The following SNX1 variants were observed in gnomAD, a reference collection of about 807,000 sequenced individuals.
The protein encoded by SNX1 is sorting nexin-1.
In SNX1, 36 loss-of-function variants were observed where a neutral mutation model predicts 71.8. The ratio of observed to expected loss-of-function variants is 0.50; its 90% CI spans 0.38 to 0.66. The LOEUF (loss-of-function observed/expected upper bound fraction) is 0.66, where lower values mean the gene tolerates loss of function less well. Among genes scored for constraint, SNX1 ranks in the 30% least tolerant of loss-of-function variants. The pLI is 0.00. For missense variants in SNX1, 612 were observed against 646.7 expected, an observed-to-expected ratio of 0.95 and a Z score of 0.58; for synonymous variants, 254 against 240.7, an observed-to-expected ratio of 1.06 and a Z score of -0.51.
chr15:64,132,662 G>T (rs935779148), intron 11 of SNX1, among the ~76,000 whole-genome samples: 18 of 152,162 alleles, frequency 1.2e-4, no homozygotes, highest in South Asian at 6.2e-4. Context: ...CCTTGATTTC[G>T]CTTGGGATCA....
At position 64,131,787 on chromosome 15, in the gene SNX1, G is replaced by T. The variant is rs145358886; in HGVS notation, c.1116G>T (p.Glu372Asp). ...CACGGGCACTCTCCCAGCTGGCTGA[G>T]GTGGAAGAAAAAATTGAGCAGCTCC... Reference protein sequence around the residue: ...ALSRALSQLAEVEEKIEQLHQ... With the variant: ...ALSRALSQLADVEEKIEQLHQ... The change falls in exon 11 of 15, where the codon GAG becomes GAT. Residue 372 changes from glutamate (E) to aspartate (D), a missense_variant. By Grantham distance (45) the Glu-to-Asp change is conservative (BLOSUM62 2). Around this residue, in one of 2 missense-constraint regions of SNX1, gnomAD observed 296 missense variants for 361.9 expected, o/e 0.82. Coordinates refer to ENST00000559844, the MANE Select transcript of SNX1 (RefSeq NM_003099.5). 2.5e-5 allele frequency: 41 copies of T among 1,614,082 alleles called. 1 individual carries two copies. In the Admixed American group the frequency reaches 3.2e-4, roughly 12 times the overall value.
chr15:64,105,417 T>C (rs956290536), intron 1 of SNX1, among the ~76,000 whole-genome samples: 1 of 152,190 alleles, frequency 6.6e-6, no homozygotes, highest in Non-Finnish European at 1.5e-5. Flanking sequence ...CTCAAGCTTC[T>C]CAGCACTCAA....
intron 3 of SNX1, among the ~76,000 whole-genome samples, chr15:64,118,533 A>C (rs959961950): frequency 6.6e-6 from 1 of 152,214 alleles, no homozygotes; most frequent in Non-Finnish European, 1.5e-5. Flanking sequence ...GCAAGAGGCA[A>C]GTCTTTCTAA....
At chr15:64,102,373 A>C (rs1218306343) in intron 1 of SNX1, among the ~76,000 whole-genome samples, 1 of 98,568 alleles carries the variant, frequency 1.0e-5, no homozygotes, top group Non-Finnish European at 3.0e-5. Context: ...CATCACCTCA[A>C]ACATTTATCT....
chr15:64,125,195 G>T (rs1428676942), intron 5 of SNX1, among the ~76,000 whole-genome samples: 1 of 152,172 alleles, frequency 6.6e-6, no homozygotes, highest in Non-Finnish European at 1.5e-5. Context: ...TGGCGCAGTG[G>T]CTCACGCCTG....
chr15:64,096,227 A>C (rs2080898954), intron 1 of SNX1, 55 bp downstream of exon 1: 2 of 1,521,760 alleles, frequency 1.3e-6, no homozygotes, highest in Non-Finnish European at 8.8e-7. Context: ...AAGGGAAGAG[A>C]GGCTAAGCGA....
At chr15:64,115,563 C>CTTTTTTT in intron 2 of SNX1, 1 of 324,636 alleles carries the variant, frequency 3.1e-6, no homozygotes, top group South Asian at 2.1e-5. Flanking sequence ...CTTCAAAAGG[C>CTTTTTTT]TTTTTTTTTT....
At position 64,134,658 on chromosome 15, in the gene SNX1, C is replaced by T. The variant is rs1275430386; in HGVS notation, c.1222-6C>T. 1 of 1,608,486 alleles carries T rather than the reference C, an allele frequency of 6.2e-7. No individual in the cohort carries two copies. The highest frequency in any genetic ancestry group is 8.5e-7 in the Non-Finnish European group (1 of 1,177,266). Reference sequence around the variant, plus strand: ...GTTGTGCTCCTCCTCAACCCCACCCCCACAGGCTGCCTTCGACCAGCGCAT... The same window carrying T: ...GTTGTGCTCCTCCTCAACCCCACCCTCACAGGCTGCCTTCGACCAGCGCAT... On this transcript the variant is annotated splice_polypyrimidine_tract_variant and splice_region_variant and intron_variant, in intron 11 of 14. Coordinates refer to ENST00000559844, the MANE Select transcript of SNX1 (RefSeq NM_003099.5). This position sits in a 1 kb window ranked among gnomAD's most constrained non-coding sequence, Gnocchi z 4.1.
chr15:64,117,813 A>G (rs1329905270), intron 2 of SNX1, among the ~76,000 whole-genome samples: 1 of 151,998 alleles, frequency 6.6e-6, no homozygotes, highest in Admixed American at 6.5e-5. Flanking sequence ...AAATTGATAA[A>G]CTTATTTTGG....
chr15:64,116,176 G>GT (rs1231453439), intron 2 of SNX1, among the ~76,000 whole-genome samples: 1 of 152,152 alleles, frequency 6.6e-6, no homozygotes, highest in African/African-American at 2.4e-5. Context: ...AGAAAAGAAA[G>GT]TTATTAAGAA....
At position 64,138,539 on chromosome 15, in the gene SNX1, A is replaced by G. The variant is rs1241595446; in HGVS notation, c.*921A>G. 3 of 185,796 alleles carry G rather than the reference A, an allele frequency of 1.6e-5. No individual in the cohort carries two copies. The highest frequency in any genetic ancestry group is 1.1e-4 in the Admixed American group (2 of 18,100). 11.5% of individuals were successfully genotyped at this position (185,796 alleles called of 1,614,324 possible). A position where few individuals can be genotyped will look rare whatever the true frequency, so the allele number is the denominator to read the frequency against. On this transcript the variant is annotated 3_prime_UTR_variant, in exon 15 of 15. Transcript: ENST00000559844. ...GATAATGACTTGATGCTTTGTCTCC[A>G]TAGACATGAAAGCCATGCCCTCTGC...
intron 8 of SNX1, among the ~76,000 whole-genome samples, chr15:64,128,020 T>C (rs2081271401): frequency 6.6e-6 from 1 of 152,224 alleles, no homozygotes; most frequent in Non-Finnish European, 1.5e-5. Flanking sequence ...AAGGGTCAAA[T>C]AGCAGCCTAG....
rs995591138 is a variant in SNX1, at chr15:64,143,580, T to A, written c.*5962T>A. 1 of 152,270 alleles carries A rather than the reference T, an allele frequency of 6.6e-6. No individual in the cohort carries two copies. The allele number at this position is 152,270 out of a possible 1,614,324, so 9.4% of individuals were successfully genotyped here. On this transcript the variant is annotated 3_prime_UTR_variant, in exon 15 of 15. Coordinates refer to ENST00000559844, the MANE Select transcript of SNX1 (RefSeq NM_003099.5). ...CCTTCCCAACAGCGCCGACACCTCA[T>A]GGAAACTGATTGCAAATGTGCTACT...
rs2081333067 is a variant in SNX1, at chr15:64,134,027, T to C, written c.1222-637T>C. On this transcript the variant is annotated intron_variant, in intron 11 of 14. Coordinates refer to ENST00000559844, the MANE Select transcript of SNX1 (RefSeq NM_003099.5). The surrounding 1 kb of genome is among the most constrained non-coding windows in gnomAD (Gnocchi z 4.1). ...GTTGGGAAAAAGCAATGTGGCCCTATGGTGGTTTTAGGTGTTGATTTAAAG... is the reference window on the plus strand; with the variant it reads ...GTTGGGAAAAAGCAATGTGGCCCTACGGTGGTTTTAGGTGTTGATTTAAAG... 1 of 152,220 alleles carries C rather than the reference T, an allele frequency of 6.6e-6. No individual in the cohort carries two copies. Among genetic ancestry groups the C allele is most frequent in the Admixed American group, 6.5e-5 (1 of 15,274 alleles). 9.4% of individuals were successfully genotyped at this position (152,220 alleles called of 1,614,324 possible).
chr15:64,112,878 TA>T (rs2081091615), intron 2 of SNX1, among the ~76,000 whole-genome samples, 194 bp downstream of exon 2: 1 of 152,102 alleles, frequency 6.6e-6, no homozygotes, highest in Non-Finnish European at 1.5e-5. Context: ...GAGTAAGATA[TA>T]AATACACAAT....
intron 4 of SNX1, 40 bp downstream of exon 4, chr15:64,118,894 G>A (rs2081161846): frequency 6.6e-7 from 1 of 1,510,078 alleles, no homozygotes; most frequent in Admixed American, 1.7e-5. Context: ...TTAGGATGTG[G>A]CTGTGGAAAG....
chr15:64,120,552 G>A (rs1363177330), intron 4 of SNX1, among the ~76,000 whole-genome samples: 2 of 152,066 alleles, frequency 1.3e-5, no homozygotes, highest in African/African-American at 4.8e-5. Context: ...TGGCTTACAT[G>A]TGTAATCCCA....
At chr15:64,098,977 T>A (rs571168590) in intron 1 of SNX1, among the ~76,000 whole-genome samples, 1 of 152,302 alleles carries the variant, frequency 6.6e-6, no homozygotes, top group Admixed American at 6.5e-5. Context: ...CTGATGTTAA[T>A]CTTCAGGATG....
chr15:64,105,045 G>A (rs1044235471), intron 1 of SNX1, among the ~76,000 whole-genome samples: 1 of 152,070 alleles, frequency 6.6e-6, no homozygotes, highest in Non-Finnish European at 1.5e-5. Flanking sequence ...GACCAGCCTG[G>A]CTAACATGGC....
Sources: allele counts gnomAD v4.1 joint callset (sites outside exome capture counted in the v4.1 genomes callset), GRCh38; gene constraint gnomAD v4.1.1; regional missense constraint gnomAD v4.1.1; non-coding constraint Gnocchi (gnomAD v3.1); transcripts MANE v1.5; gene names NCBI Gene and HGNC (gene_info 2026-07-23, HGNC 2026-07-21).